The following NLRX1 variants were observed in gnomAD, a reference collection of about 807,000 sequenced individuals.
NLRX1 encodes the protein NOD-like receptor X1.
A neutral mutation model predicts 74.2 loss-of-function variants in NLRX1; 67 were observed. The observed-to-expected ratio is 0.90, with a 90% CI of 0.74 to 1.11. The LOEUF is 1.11. Ranked by LOEUF, NLRX1 falls within the 50% of genes least tolerant of loss-of-function variation. The pLI, the probability that NLRX1 is intolerant of heterozygous loss-of-function variation, is 0.00. For synonymous variants in NLRX1, 506 were observed against 559.1 expected, an observed-to-expected ratio of 0.91 and a Z score of 1.34; for missense variants, 1,191 against 1,305.4, an observed-to-expected ratio of 0.91 and a Z score of 1.35.
Position 119,183,109 on chromosome 11 carries a change from T to C in NLRX1, c.2607-9T>C, listed in dbSNP as rs1371587422. On this transcript the variant is annotated splice_polypyrimidine_tract_variant and intron_variant, in intron 9 of 9. Transcript: ENST00000409109. This position sits in a 1 kb window ranked among gnomAD's most constrained non-coding sequence, Gnocchi z 5.7. ...TACTGAATGGCATCGACTTTCTCTC[T>C]CCTGCCAGCCTCTACTTCAATGAGC... is the stretch of plus-strand genomic sequence containing the variant. 1 of 1,612,888 alleles carries C rather than the reference T, an allele frequency of 6.2e-7. No individual in the cohort carries two copies. Among genetic ancestry groups the C allele is most frequent in the Admixed American group, 1.7e-5 (1 of 59,818 alleles).
At position 119,174,871 on chromosome 11, in the gene NLRX1, C is replaced by T. The variant is rs780707245; in HGVS notation, c.1268C>T (p.Ala423Val). The T allele has an allele frequency of 1.2e-6, 2 of 1,614,066 alleles. No homozygotes were observed. Among genetic ancestry groups the T allele is most frequent in the East Asian group, 2.2e-5 (1 of 44,886 alleles). ...STDPSNLSLM[A>V]YAARTMGKLA... ...GACCCCTCCAATTTGTCCCTGATGG[C>T]CTATGCAGCCCGAACCATGGGCAAG... The change falls in exon 6 of 10, where the codon GCC becomes GTC. Residue 423 changes from alanine to valine, a missense_variant. Physicochemically the swap from Ala to Val is moderately conservative, Grantham distance 64 (BLOSUM62 0). Transcript: ENST00000409109.
chr11:119,177,763 C>T (rs1377957570), intron 6 of NLRX1: 1 of 152,224 alleles, frequency 6.6e-6, no homozygotes, highest in Non-Finnish European at 1.5e-5. Context: ...CCTGCCGGAC[C>T]TGAGTTGCAA....
rs201937889 is a variant in NLRX1, at chr11:119,174,534, G to A, written c.931G>A (p.Gly311Ser). The A allele has an allele frequency of 8.1e-6, 13 of 1,614,154 alleles. No homozygotes were observed. Among genetic ancestry groups the A allele is most frequent in the African/African-American group, 1.3e-5 (1 of 75,062 alleles). Residue 311 changes from glycine (G) to serine (S), a missense_variant, in exon 6 of 10, where the codon GGT (glycine) becomes AGT (serine). Physicochemically the swap from Gly to Ser is moderately conservative, Grantham distance 56. Transcript: ENST00000409109. ...CGTGGGCCGCTATGGTGAGATCTGC[G>A]GTTTCTCTGATACCAACCTGCAGAA... ...KYVGRYGEIC[G>S]FSDTNLQKLY...
Position 119,173,334 on chromosome 11 carries a change from C to G in NLRX1, c.230-145C>G. 1 of 888,994 alleles carries G rather than the reference C, an allele frequency of 1.1e-6. No individual in the cohort carries two copies. Among genetic ancestry groups the G allele is most frequent in the Middle Eastern group, 3.6e-4 (1 of 2,812 alleles). 55.1% of individuals were successfully genotyped at this position (888,994 alleles called of 1,614,324 possible). On this transcript the variant is annotated intron_variant, in intron 4 of 9. Coordinates refer to ENST00000409109, the MANE Select transcript of NLRX1 (RefSeq NM_001282144.2). This position sits in a 1 kb window ranked among gnomAD's most constrained non-coding sequence, Gnocchi z 4.0. ...AGACTTTCTGGACAGTCTATATTTT[C>G]TCAGGGAGTCTTGTGTGCCCACCAT...
At chr11:119,171,506 T>A (rs775645415) in intron 2 of NLRX1, 33 bp downstream of exon 2, 4 of 1,528,696 alleles carry the variant, frequency 2.6e-6, no homozygotes, top group Non-Finnish European at 3.6e-6. Context: ...TGTTTTTACC[T>A]CTTTCTTGCT....
Position 119,174,730 on chromosome 11 carries a change from T to A in NLRX1, c.1127T>A (p.Leu376His), listed in dbSNP as rs748442866. 6.2e-7 allele frequency: 1 copy of A among 1,613,890 alleles called. No individual in the cohort carries two copies. Among genetic ancestry groups the A allele is most frequent in the Non-Finnish European group, 8.5e-7 (1 of 1,180,042 alleles). ...TGCTTCCTGCCGTCCTATTGCTGGC[T>A]CGTTTGTGCCACCTTGCACTTCCTG... ...AACFLPSYCWLVCATLHFLHA... is the reference protein window; with the variant it reads ...AACFLPSYCWHVCATLHFLHA... Residue 376 changes from leucine (L) to histidine (H), a missense_variant, in exon 6 of 10, where the codon CTC becomes CAC. Transcript: ENST00000409109.
rs1948598472 is a variant in NLRX1, at chr11:119,173,178, T to G, written c.229+189T>G. 1.6e-6 allele frequency: 1 copy of G among 621,512 alleles called. No homozygotes were observed. The highest frequency in any genetic ancestry group is 2.7e-5 in the East Asian group (1 of 36,440). 38.5% of individuals were successfully genotyped at this position (621,512 alleles called of 1,614,324 possible). A position where few individuals can be genotyped will look rare whatever the true frequency, so the allele number is the denominator to read the frequency against. ...AATACTCTTGCAATGCACACTTATATGTACAAAGCGCTAGGAGAGCCATAC... is the reference window on the plus strand; with the variant it reads ...AATACTCTTGCAATGCACACTTATAGGTACAAAGCGCTAGGAGAGCCATAC... On this transcript the variant is annotated intron_variant, in intron 4 of 9. Transcript: ENST00000409109. The surrounding 1 kb of genome is among the most constrained non-coding windows in gnomAD (Gnocchi z 4.0).
Position 119,181,235 on chromosome 11 carries a change from C to G in NLRX1, c.2332C>G (p.Gln778Glu). The change falls in exon 8 of 10, where the codon CAG becomes GAG. Residue 778 changes from glutamine to glutamate, a missense_variant. Gln to Glu is a conservative substitution (Grantham distance 29). Coordinates refer to ENST00000409109, the MANE Select transcript of NLRX1 (RefSeq NM_001282144.2). The part of the protein sequence containing the change: ...KDLRDLLLHD[Q>E]CQITTLRLSN... ...CCTCCGAGACCTGTTGCTGCATGAC[C>G]AGTGCCAAATTACCACACTGCGGTG... 6.2e-7 allele frequency: 1 copy of G among 1,613,882 alleles called. No homozygotes were observed. The highest frequency in any genetic ancestry group is 2.2e-5 in the East Asian group (1 of 44,870).
At position 119,174,882 on chromosome 11, in the gene NLRX1, C is replaced by T. The variant is rs149268778; in HGVS notation, c.1279C>T (p.Arg427Ter). The change falls in exon 6 of 10, where the codon CGA becomes TGA. Residue 427 changes from arginine to a stop codon, truncating the protein, a stop_gained. Coordinates refer to ENST00000409109, the MANE Select transcript of NLRX1 (RefSeq NM_001282144.2). LOFTEE classifies it high-confidence loss of function. ...SNLSLMAYAA[R>*]TMGKLAYEGV... The stretch of plus-strand genomic sequence containing the variant: ...TTTGTCCCTGATGGCCTATGCAGCC[C>T]GAACCATGGGCAAGTTGGCCTATGA... 17 of 1,614,076 alleles carry T rather than the reference C, an allele frequency of 1.1e-5. No homozygotes were observed. Among genetic ancestry groups the T allele is most frequent in the African/African-American group, 9.3e-5 (7 of 75,066 alleles).
At chr11:119,171,560 C>A in intron 2 of NLRX1, 87 bp downstream of exon 2, 1 of 897,166 alleles carries the variant, frequency 1.1e-6, no homozygotes, top group Non-Finnish European at 1.8e-6. Context: ...GGGATCCAGA[C>A]ACCAGGTGCA....
rs568546412 is a variant in NLRX1 at position 119,178,698 on chromosome 11, C to CTT, written c.1672-979_1672-978dup. The stretch of plus-strand genomic sequence containing the variant: ...CCAGGAAAGGGCAGCACCCTGGAGG[C>CTT]TTTTTTTTTTTTTTTTTCTCTTGAG... On this transcript the variant is annotated intron_variant, in intron 6 of 9. Transcript: ENST00000409109. 6.5e-4 allele frequency among the ~76,000 whole-genome samples: 82 copies of CTT among 126,536 alleles called. No individual in the cohort carries two copies. In the East Asian group the frequency reaches 0.011, roughly 16 times the overall value. 83.0% of individuals were successfully genotyped at this position (126,536 alleles called of 152,430 possible).
At chr11:119,182,499 G>T (rs370304457) in intron 9 of NLRX1, among the ~76,000 whole-genome samples, 154 bp downstream of exon 9, 4 of 152,078 alleles carry the variant, frequency 2.6e-5, no homozygotes, top group Non-Finnish European at 5.9e-5. Flanking sequence ...ACCTAGCTCT[G>T]AGCCAACCCA....
chr11:119,169,581 A>T (rs1823218304), intron 1 of NLRX1, among the ~76,000 whole-genome samples: 1 of 152,200 alleles, frequency 6.6e-6, no homozygotes, highest in African/African-American at 2.4e-5. Context: ...CTGCCCAAGA[A>T]GCCCCGATCT....
chr11:119,183,454 G>A lies in NLRX1; in HGVS notation c.*15G>A. The A allele has an allele frequency of 1.2e-6, 2 of 1,604,102 alleles. No homozygotes were observed. The highest frequency in any genetic ancestry group is 1.7e-6 in the Non-Finnish European group (2 of 1,177,370). On this transcript the variant is annotated 3_prime_UTR_variant, in exon 10 of 10. Transcript: ENST00000409109. The surrounding 1 kb of genome is among the most constrained non-coding windows in gnomAD (Gnocchi z 5.7). ...CTGGAAGCTGAGACACTGGCGGCAGGCACCTAGCTATGTGACCACTGGCCC... is the reference window on the plus strand; with the variant it reads ...CTGGAAGCTGAGACACTGGCGGCAGACACCTAGCTATGTGACCACTGGCCC...
chr11:119,173,963 C>T lies in NLRX1; in HGVS notation c.714C>T (p.Leu238=), dbSNP rs770923075. ...TGGCTGCTGCTGGGTCCCACCTCCT[C>T]TTTGTGCTCCATGGCTTAGAGCATC... ...PLMAAAGSHL[L]FVLHGLEHLN... The change falls in exon 5 of 10, where the codon CTC becomes CTT. Residue 238 remains leucine (L), a synonymous_variant. Coordinates refer to ENST00000409109, the MANE Select transcript of NLRX1 (RefSeq NM_001282144.2). The surrounding 1 kb of genome is among the most constrained non-coding windows in gnomAD (Gnocchi z 4.0). 25 of 1,614,132 alleles carry T rather than the reference C, an allele frequency of 1.5e-5. No individual in the cohort carries two copies. Among genetic ancestry groups the T allele is most frequent in the East Asian group, 2.2e-5 (1 of 44,876 alleles).
intron 1 of NLRX1, among the ~76,000 whole-genome samples, chr11:119,171,141 AG>A (rs1425935428): frequency 6.6e-6 from 1 of 152,198 alleles, no homozygotes; most frequent in African/African-American, 2.4e-5. Flanking sequence ...AAAAGAAAAA[AG>A]AAAAAAAAGG....
Position 119,173,722 on chromosome 11 carries a change from G to A in NLRX1, c.473G>A (p.Arg158Gln), listed in dbSNP as rs368965234. 2.0e-5 allele frequency: 32 copies of A among 1,613,770 alleles called. No homozygotes were observed. Among genetic ancestry groups the A allele is most frequent in the African/African-American group, 5.3e-5 (4 of 74,938 alleles). Reference protein sequence around the residue: ...QLFNPDACGRRVQTVVLYGTV... With the variant: ...QLFNPDACGRQVQTVVLYGTV... ...TTTAACCCGGATGCCTGTGGGCGCC[G>A]GGTGCAGACAGTGGTGCTGTATGGG... The change falls in exon 5 of 10, where the codon CGG (arginine) becomes CAG (glutamine). Residue 158 changes from arginine to glutamine, a missense_variant. Coordinates refer to ENST00000409109, the MANE Select transcript of NLRX1 (RefSeq NM_001282144.2). This position sits in a 1 kb window ranked among gnomAD's most constrained non-coding sequence, Gnocchi z 4.0.
rs1343591741 is a variant in NLRX1, at chr11:119,182,097, G to A, written c.2358G>A (p.Leu786=). The part of the protein sequence containing the change: ...HDQCQITTLR[L]SNNPLTAAGV... The stretch of plus-strand genomic sequence containing the variant: ...CTTGGGTTGCACGTGGCTGTAGGCT[G>A]TCCAACAACCCGCTGACGGCGGCAG... The change falls in exon 9 of 10, where the codon CTG becomes CTA. Residue 786 remains leucine, a synonymous_variant. Coordinates refer to ENST00000409109, the MANE Select transcript of NLRX1 (RefSeq NM_001282144.2). 3.7e-6 allele frequency: 6 copies of A among 1,613,940 alleles called. No individual in the cohort carries two copies. Among genetic ancestry groups the A allele is most frequent in the Non-Finnish European group, 5.1e-6 (6 of 1,179,990 alleles).
In NLRX1 at chr11:119,173,631, G is replaced by A. The variant is rs746456833; in HGVS notation, c.382G>A (p.Ala128Thr). Residue 128 changes from alanine (A) to threonine (T), a missense_variant, in exon 5 of 10, where the codon GCG becomes ACG. Transcript: ENST00000409109. This position sits in a 1 kb window ranked among gnomAD's most constrained non-coding sequence, Gnocchi z 4.0. ...STPDELLRPP[A>T]ELALEHQPPQ... Reference sequence around the variant, plus strand: ...CCCTGATGAGCTACTTCGCCCACCCGCGGAGCTGGCCCTGGAGCATCAGCC... The same window carrying A: ...CCCTGATGAGCTACTTCGCCCACCCACGGAGCTGGCCCTGGAGCATCAGCC... The A allele has an allele frequency of 9.9e-6, 16 of 1,613,946 alleles. No homozygotes were observed. Among genetic ancestry groups the A allele is most frequent in the African/African-American group, 5.3e-5 (4 of 74,936 alleles).
Sources: gnomAD v4.1 joint callset for allele counts (sites outside exome capture counted in the v4.1 genomes callset) on GRCh38, gnomAD v4.1.1 for gene constraint, Gnocchi (gnomAD v3.1) non-coding constraint, MANE v1.5 for transcripts, NCBI Gene and HGNC (gene_info 2026-07-23, HGNC 2026-07-21) for gene names.